Variants in LINGO2 observed in about 807,000 individuals in gnomAD.
LINGO2 encodes leucine-rich repeat and immunoglobulin-like domain-containing nogo receptor-interacting protein 2.
In LINGO2, 14 loss-of-function variants were observed where a neutral mutation model predicts 30.6. The ratio of observed to expected loss-of-function variants is 0.46; its 90% CI spans 0.30 to 0.72. The LOEUF is 0.72. Among genes scored for constraint, LINGO2 ranks in the 30% least tolerant of loss-of-function variants. The pLI is 0.07. For missense variants in LINGO2, 729 were observed against 751.7 expected, an observed-to-expected ratio of 0.97 and a Z score of 0.35; for synonymous variants, 317 against 288.5, an observed-to-expected ratio of 1.10 and a Z score of -1.00.
chr9:29,192,027 T>C, the LINGO2 span, among the ~76,000 whole-genome samples: 2 of 152,178 alleles, frequency 1.3e-5, no homozygotes, highest in South Asian at 4.1e-4. Flanking sequence ...GGGTTTGTTA[T>C]GTAGGGGATT....
the LINGO2 span, among the ~76,000 whole-genome samples, chr9:29,074,960 G>GCCA: frequency 6.6e-6 from 1 of 152,020 alleles, no homozygotes; most frequent in South Asian, 2.1e-4. Context: ...ACAGGCGTGA[G>GCCA]CCACCGCGCC....
intron 1 of LINGO2, among the ~76,000 whole-genome samples, chr9:28,658,748 A>T (rs1466836285): frequency 6.6e-6 from 1 of 152,056 alleles, no homozygotes. Context: ...GTTTTGAACC[A>T]CTGTATTTTG....
At chr9:28,328,713 G>T in intron 3 of LINGO2, among the ~76,000 whole-genome samples, 1 of 152,096 alleles carries the variant, frequency 6.6e-6, no homozygotes, top group East Asian at 1.9e-4. Context: ...TTCATTAAGG[G>T]AGTAATGCAA....
At chr9:28,437,458 C>A (rs1823992046) in intron 2 of LINGO2, among the ~76,000 whole-genome samples, 1 of 151,944 alleles carries the variant, frequency 6.6e-6, no homozygotes. Flanking sequence ...TGCAGACAGC[C>A]TGTTGTGGAA....
chr9:28,768,256 A>G, the LINGO2 span, among the ~76,000 whole-genome samples: 2 of 152,314 alleles, frequency 1.3e-5, no homozygotes, highest in East Asian at 3.9e-4. Context: ...GCCTTTTAAC[A>G]TCATTCTGAA....
chr9:28,758,529 A>C, the LINGO2 span, among the ~76,000 whole-genome samples: 1 of 152,108 alleles, frequency 6.6e-6, no homozygotes, highest in Admixed American at 6.5e-5. Flanking sequence ...TTTGGAATTC[A>C]CCCATTCCCA....
At chr9:29,132,120 G>C in the LINGO2 span, among the ~76,000 whole-genome samples, 22 of 151,834 alleles carry the variant, frequency 1.4e-4, no homozygotes, top group African/African-American at 5.3e-4. Context: ...AATAGGTAGG[G>C]AGTGTGCCAC....
intron 2 of LINGO2, among the ~76,000 whole-genome samples, chr9:28,393,180 G>A (rs1441386947): frequency 1.3e-5 from 2 of 152,318 alleles, no homozygotes; most frequent in African/African-American, 4.8e-5. Context: ...TATCTGTCCT[G>A]TACCTACTAT....
chr9:28,833,872 C>T, the LINGO2 span, among the ~76,000 whole-genome samples: 1 of 152,162 alleles, frequency 6.6e-6, no homozygotes, highest in African/African-American at 2.4e-5. Context: ...TCTTTCCAAT[C>T]CCAGCCCAAG....
At chr9:28,365,848 C>T (rs1564152754) in intron 3 of LINGO2, among the ~76,000 whole-genome samples, 1 of 150,130 alleles carries the variant, frequency 6.7e-6, no homozygotes, top group Non-Finnish European at 1.5e-5. Context: ...ACTCTGGAGG[C>T]CTTAGAGGCA....
intron 3 of LINGO2, among the ~76,000 whole-genome samples, chr9:28,352,549 T>A (rs1819948559): frequency 7.3e-6 from 1 of 136,830 alleles, no homozygotes; most frequent in South Asian, 2.6e-4. Context: ...GTAGGAAGAA[T>A]CAATATCGTG....
At chr9:28,642,409 A>C (rs1262426639) in intron 1 of LINGO2, among the ~76,000 whole-genome samples, 2 of 152,106 alleles carry the variant, frequency 1.3e-5, no homozygotes. Context: ...TATTTCATAC[A>C]TTTCGAGGAT....
the LINGO2 span, among the ~76,000 whole-genome samples, chr9:28,964,395 TA>T: frequency 4.0e-5 from 6 of 151,838 alleles, no homozygotes; most frequent in Admixed American, 2.0e-4. Context: ...AGAAAAAAAG[TA>T]TAGGGAGACC....
intron 1 of LINGO2, among the ~76,000 whole-genome samples, chr9:28,639,657 G>C (rs1827474688): frequency 6.6e-6 from 1 of 151,854 alleles, no homozygotes; most frequent in African/African-American, 2.4e-5. Context: ...GCCTTCTTTT[G>C]TTTTCCATTT....
At chr9:28,665,338 T>C (rs1328487464) in intron 1 of LINGO2, among the ~76,000 whole-genome samples, 3 of 152,096 alleles carry the variant, frequency 2.0e-5, no homozygotes, top group Non-Finnish European at 4.4e-5. Context: ...CGTATGCCAT[T>C]AGATTATGTT....
At chr9:28,635,972 C>A (rs942054997) in intron 1 of LINGO2, among the ~76,000 whole-genome samples, 4 of 152,074 alleles carry the variant, frequency 2.6e-5, no homozygotes, top group Non-Finnish European at 2.9e-5. Flanking sequence ...TATCCCTCCC[C>A]ACTCTCCCCA....
chr9:28,526,055 CA>C (rs58629857), intron 1 of LINGO2, among the ~76,000 whole-genome samples: 47 of 48,508 alleles, frequency 9.7e-4, no homozygotes, highest in Admixed American at 1.4e-3. Flanking sequence ...GACTCCGTCT[CA>C]AAAAAAAAAA....
At chr9:28,198,723 G>T (rs1820108175) in intron 4 of LINGO2, among the ~76,000 whole-genome samples, 1 of 151,918 alleles carries the variant, frequency 6.6e-6, no homozygotes. Context: ...TACACTCCTG[G>T]CAGACAGCAG....
the LINGO2 span, among the ~76,000 whole-genome samples, chr9:28,676,111 A>T: frequency 6.6e-6 from 1 of 151,124 alleles, no homozygotes; most frequent in Non-Finnish European, 1.5e-5. Flanking sequence ...CTTTTCCATT[A>T]GAATAGAAAA....
Sources: allele counts gnomAD v4.1 joint callset (sites outside exome capture counted in the v4.1 genomes callset), GRCh38; gene constraint gnomAD v4.1.1; transcripts MANE v1.5; gene names NCBI Gene and HGNC (gene_info 2026-07-23, HGNC 2026-07-21).